Variants in NBAS observed in about 807,000 individuals in gnomAD.
NBAS encodes the protein NBAS subunit of NRZ tethering complex, also known as NAG/BC035112 fusion.
In NBAS, 219 loss-of-function variants were observed where a neutral mutation model predicts 302.5. The observed-to-expected ratio is 0.72, with a 90% CI of 0.65 to 0.81. The LOEUF (loss-of-function observed/expected upper bound fraction) is 0.81. Ranked by LOEUF, NBAS falls within the 30% of genes least tolerant of loss-of-function variation. NBAS has a pLI of 0.00. For synonymous variants in NBAS, 1,118 were observed against 1,021.6 expected, an observed-to-expected ratio of 1.09 and a Z score of -1.80; for missense variants, 2,932 against 2,841.6, an observed-to-expected ratio of 1.03 and a Z score of -0.72.
At chr2:14,928,178 C>G in the NBAS span, among the ~76,000 whole-genome samples, 1 of 152,152 alleles carries the variant, frequency 6.6e-6, no homozygotes. Flanking sequence ...GTAATCTCTT[C>G]TATTTTCTTC....
intron 47 of NBAS, among the ~76,000 whole-genome samples, chr2:15,229,347 C>CAAAA (rs61152926): frequency 1.9e-4 from 15 of 76,928 alleles, no homozygotes; most frequent in East Asian, 7.7e-4. Flanking sequence ...TCTCAAAAAA[C>CAAAA]AAAAAAAAAA....
intron 44 of NBAS, among the ~76,000 whole-genome samples, chr2:15,261,431 T>C (rs1044716500): frequency 3.3e-5 from 5 of 152,250 alleles, no homozygotes; most frequent in African/African-American, 1.2e-4. Context: ...AAAATAATCA[T>C]ACCTGTCTTG....
intron 51 of NBAS, among the ~76,000 whole-genome samples, chr2:15,174,344 A>C (rs1664433623): frequency 6.6e-6 from 1 of 152,234 alleles, no homozygotes; most frequent in Non-Finnish European, 1.5e-5. Context: ...GGGGATAGGA[A>C]TCACATTTAT....
At chr2:15,039,082 T>C in the NBAS span, among the ~76,000 whole-genome samples, 1 of 152,166 alleles carries the variant, frequency 6.6e-6, no homozygotes, top group Non-Finnish European at 1.5e-5. Flanking sequence ...GACATAAATC[T>C]GAATACACAC....
intron 7 of NBAS, chr2:15,538,390 TTATC>T (rs1365640610): frequency 8.9e-6 from 4 of 451,042 alleles, no homozygotes; most frequent in Admixed American, 2.3e-5. Flanking sequence ...AAAAAAATCA[TTATC>T]TATATCATTG....
intron 51 of NBAS, among the ~76,000 whole-genome samples, 192 bp from the exon 52 acceptor site, chr2:15,167,515 TAAG>T (rs1449646983): frequency 6.6e-6 from 1 of 152,120 alleles, no homozygotes; most frequent in Non-Finnish European, 1.5e-5. Flanking sequence ...CCTCTTAACA[TAAG>T]AAGACACAAG....
chr2:15,416,995 C>T (rs950866602), intron 24 of NBAS, among the ~76,000 whole-genome samples: 2 of 152,106 alleles, frequency 1.3e-5, no homozygotes, highest in African/African-American at 2.4e-5. Flanking sequence ...GCAGCTACCA[C>T]CTCCACAGCA....
At chr2:15,478,535 T>C (rs951429865) in intron 12 of NBAS, among the ~76,000 whole-genome samples, 13 of 152,198 alleles carry the variant, frequency 8.5e-5, no homozygotes, top group African/African-American at 3.1e-4. Context: ...AACAACAGGA[T>C]AGCAAGTATA....
chr2:15,429,198 G>A (rs1371254504), intron 21 of NBAS, among the ~76,000 whole-genome samples: 1 of 152,112 alleles, frequency 6.6e-6, no homozygotes, highest in East Asian at 1.9e-4. Context: ...CTAAAATGAA[G>A]GGCTTCAAAC....
At chr2:15,459,094 G>T (rs865904871) in intron 21 of NBAS, among the ~76,000 whole-genome samples, 48 of 152,160 alleles carry the variant, frequency 3.2e-4, no homozygotes, top group African/African-American at 9.9e-4. Context: ...TGGGTACTGT[G>T]CAGCTCTTTT....
At chr2:15,401,892 G>A (rs1053494375) in intron 26 of NBAS, among the ~76,000 whole-genome samples, 2 of 152,012 alleles carry the variant, frequency 1.3e-5, no homozygotes, top group Non-Finnish European at 2.9e-5. Flanking sequence ...TGGAGATCGT[G>A]GTGGTATTTT....
the NBAS span, among the ~76,000 whole-genome samples, chr2:14,838,394 G>A: frequency 1.3e-5 from 2 of 151,846 alleles, no homozygotes; most frequent in Admixed American, 6.6e-5. Flanking sequence ...TCTAGAGCTT[G>A]TATTTGGTTT....
At chr2:15,005,474 G>A in the NBAS span, among the ~76,000 whole-genome samples, 2 of 152,224 alleles carry the variant, frequency 1.3e-5, no homozygotes, top group African/African-American at 2.4e-5. Flanking sequence ...AACTCTGGGA[G>A]ATGGGCATTA....
At chr2:15,481,448 C>T (rs994672446) in intron 12 of NBAS, among the ~76,000 whole-genome samples, 73 of 152,304 alleles carry the variant, frequency 4.8e-4, no homozygotes, top group African/African-American at 1.6e-3. Flanking sequence ...ACATCTGATA[C>T]ACACTGTAAA....
At chr2:15,298,341 A>G (rs1670644546) in intron 40 of NBAS, among the ~76,000 whole-genome samples, 1 of 150,250 alleles carries the variant, frequency 6.7e-6, no homozygotes, top group Non-Finnish European at 1.5e-5. Flanking sequence ...AAGAACTTAC[A>G]AAAATGAGAG....
chr2:15,442,300 A>C lies in NBAS; in HGVS notation c.2340-14506T>G, dbSNP rs1420334222. ...AAAAGAGCAGAAATTATAACAAACT[A>C]TCTCTCAGACCACAGTGCAATCAAA... On this transcript the variant is annotated intron_variant, in intron 21 of 51. Coordinates refer to ENST00000281513, the MANE Select transcript of NBAS (RefSeq NM_015909.4). Among the ~76,000 whole-genome samples the C allele has an allele frequency of 2.7e-5, 4 of 148,490 alleles. No individual in the cohort carries two copies. In the East Asian group the frequency reaches 5.8e-4, roughly 22 times the overall value.
chr2:15,258,077 G>A (rs976956197), intron 44 of NBAS, among the ~76,000 whole-genome samples: 3 of 152,136 alleles, frequency 2.0e-5, no homozygotes, highest in Admixed American at 6.6e-5. Flanking sequence ...CAGGGACGCC[G>A]AACGGAGGGA....
the NBAS span, among the ~76,000 whole-genome samples, chr2:15,103,802 C>T: frequency 6.6e-6 from 1 of 152,168 alleles, no homozygotes; most frequent in African/African-American, 2.4e-5. Flanking sequence ...GGAACTGTCA[C>T]TTCCATGGTC....
the NBAS span, among the ~76,000 whole-genome samples, chr2:15,034,272 G>GAAAA: frequency 1.0e-5 from 1 of 99,512 alleles, no homozygotes; most frequent in Non-Finnish European, 2.1e-5. Context: ...AAGAAAGAAA[G>GAAAA]AAAGAGAGAA....
Sources: gnomAD v4.1 joint callset for allele counts (sites outside exome capture counted in the v4.1 genomes callset) on GRCh38, gnomAD v4.1.1 for gene constraint, MANE v1.5 for transcripts, NCBI Gene and HGNC (gene_info 2026-07-23, HGNC 2026-07-21) for gene names.